Variants in MVB12B observed in about 807,000 individuals in gnomAD.
MVB12B encodes ESCRT-I complex subunit MVB12B.
A neutral mutation model predicts 41.6 loss-of-function variants in MVB12B; 16 were observed. The ratio of observed to expected loss-of-function variants is 0.38; its 90% confidence interval spans 0.26 to 0.58. MVB12B has a LOEUF of 0.58. Among genes scored for constraint, MVB12B ranks in the 20% least tolerant of loss-of-function variants. The probability of loss-of-function intolerance (pLI) is 0.62; values close to 1 mark genes in which losing one functional copy is unlikely to be tolerated. For missense variants in MVB12B, 274 were observed against 380.2 expected, an observed-to-expected ratio of 0.72 and a Z score of 2.32; for synonymous variants, 133 against 139.7, an observed-to-expected ratio of 0.95 and a Z score of 0.34.
chr9:126,457,947 T>A (rs1833016849), intron 7 of MVB12B, among the ~76,000 whole-genome samples: 1 of 152,168 alleles, frequency 6.6e-6, no homozygotes, highest in Admixed American at 6.5e-5. Flanking sequence ...TCAAAGTATG[T>A]CTGGCAAAAG....
intron 2 of MVB12B, among the ~76,000 whole-genome samples, chr9:126,374,808 G>A (rs1307412545): frequency 2.0e-5 from 3 of 152,180 alleles, no homozygotes; most frequent in Non-Finnish European, 4.4e-5. Flanking sequence ...CAGCAATAGC[G>A]GCAGCTTGCC....
At chr9:126,427,674 A>G (rs2119106458) in intron 7 of MVB12B, among the ~76,000 whole-genome samples, 1 of 152,376 alleles carries the variant, frequency 6.6e-6, no homozygotes, top group South Asian at 2.1e-4. Flanking sequence ...TAAAACTGGC[A>G]TATAATAAGA....
chr9:126,397,372 C>T (rs1371857098), intron 6 of MVB12B: 7 of 985,298 alleles, frequency 7.1e-6, no homozygotes, highest in Admixed American at 1.2e-4. Context: ...ACCGAGCCAC[C>T]GGCAGCCTGG....
At chr9:126,358,702 C>A (rs1412607175) in intron 2 of MVB12B, among the ~76,000 whole-genome samples, 4 of 152,206 alleles carry the variant, frequency 2.6e-5, no homozygotes, top group Admixed American at 1.3e-4. Context: ...ATATTTCTTA[C>A]AACTTCCTAT....
chr9:126,390,390 A>G (rs1408895775), intron 4 of MVB12B, among the ~76,000 whole-genome samples: 2 of 152,204 alleles, frequency 1.3e-5, no homozygotes, highest in Non-Finnish European at 2.9e-5. Flanking sequence ...GTGCCAGGAA[A>G]TGTTGGTGTT....
In MVB12B at chr9:126,391,944, C is replaced by T. The variant is rs1214810272; in HGVS notation, c.410-122C>T. 8.6e-7 allele frequency: 1 copy of T among 1,159,412 alleles called. No individual in the cohort carries two copies. Among genetic ancestry groups the T allele is most frequent in the East Asian group, 2.4e-5 (1 of 42,332 alleles). The allele number at this position is 1,159,412 out of a possible 1,614,324, so 71.8% of individuals were successfully genotyped here. A position where few individuals can be genotyped will look rare whatever the true frequency, so the allele number is the denominator to read the frequency against. ...GGCAGAGCGCAGCCCTTCTGTCCAGCAGCTTAGGTGACCTGCCACTTCTGC... is the reference window on the plus strand; with the variant it reads ...GGCAGAGCGCAGCCCTTCTGTCCAGTAGCTTAGGTGACCTGCCACTTCTGC... On this transcript the variant is annotated intron_variant, in intron 4 of 9. Transcript: ENST00000361171. The surrounding 1 kb of genome is among the most constrained non-coding windows in gnomAD (Gnocchi z 4.4).
rs1369270396 is a variant in MVB12B at position 126,505,164 on chromosome 9, C to A, written c.*1901C>A. 1.3e-5 allele frequency: 2 copies of A among 152,450 alleles called. No homozygotes were observed. Among genetic ancestry groups the A allele is most frequent in the East Asian group, 3.9e-4 (2 of 5,186 alleles). 9.4% of individuals were successfully genotyped at this position (152,450 alleles called of 1,614,324 possible). ...TCGTGCCCTGGTTGTGAGATTGCCTCTAACAGGTAATGCCAGGGGCCCTTC... is the reference window on the plus strand; with the variant it reads ...TCGTGCCCTGGTTGTGAGATTGCCTATAACAGGTAATGCCAGGGGCCCTTC... On this transcript the variant is annotated 3_prime_UTR_variant, in exon 10 of 10. Transcript: ENST00000361171.
At position 126,391,090 on chromosome 9, in the gene MVB12B, T is replaced by C. The variant is rs1293560537; in HGVS notation, c.410-976T>C. On this transcript the variant is annotated intron_variant, in intron 4 of 9. Transcript: ENST00000361171. The surrounding 1 kb of genome is among the most constrained non-coding windows in gnomAD (Gnocchi z 4.4). Reference sequence around the variant, plus strand: ...AGAGGATGGCAGTTGGGGAACTGTGTGACCGAGGTCCTGGGCCGACGCCAG... The same window carrying C: ...AGAGGATGGCAGTTGGGGAACTGTGCGACCGAGGTCCTGGGCCGACGCCAG... Among the ~76,000 whole-genome samples, 1 of 152,194 alleles carries C rather than the reference T, an allele frequency of 6.6e-6. No homozygotes were observed. The highest frequency in any genetic ancestry group is 2.4e-5 in the African/African-American group (1 of 41,448).
In MVB12B at chr9:126,473,796, T is replaced by G. The variant is rs1323150993; in HGVS notation, c.758-7573T>G. Among the ~76,000 whole-genome samples the G allele has an allele frequency of 6.6e-6, 1 of 152,160 alleles. No individual in the cohort carries two copies. The highest frequency in any genetic ancestry group is 1.9e-4 in the East Asian group (1 of 5,196). ...GGGGATTACAATTGAACATGAGATT[T>G]GGGTATTTGGGTGGGGACACAGATT... On this transcript the variant is annotated intron_variant, in intron 7 of 9. Transcript: ENST00000361171. The surrounding 1 kb of genome is among the most constrained non-coding windows in gnomAD (Gnocchi z 4.0).
Position 126,376,730 on chromosome 9 carries a change from C to T in MVB12B, c.205-4334C>T. On this transcript the variant is annotated intron_variant, in intron 2 of 9. Transcript: ENST00000361171. This position sits in a 1 kb window ranked among gnomAD's most constrained non-coding sequence, Gnocchi z 4.1. Reference sequence around the variant, plus strand: ...CACTCTGAAGTTGCACCTCCTCCCCCACCTCCTCCTGACCTCCAGCCTCCT... The same window carrying T: ...CACTCTGAAGTTGCACCTCCTCCCCTACCTCCTCCTGACCTCCAGCCTCCT... 1 of 1,244,712 alleles carries T rather than the reference C, an allele frequency of 8.0e-7. No individual in the cohort carries two copies. Among genetic ancestry groups the T allele is most frequent in the South Asian group, 1.4e-5 (1 of 72,648 alleles). The allele number at this position is 1,244,712 out of a possible 1,614,324, so 77.1% of individuals were successfully genotyped here. A position where few individuals can be genotyped will look rare whatever the true frequency, so the allele number is the denominator to read the frequency against.
chr9:126,505,764 G>A lies in MVB12B; in HGVS notation c.*2501G>A, dbSNP rs1834056849. 1 of 152,092 alleles carries A rather than the reference G, an allele frequency of 6.6e-6. No individual in the cohort carries two copies. Among genetic ancestry groups the A allele is most frequent in the Admixed American group, 6.6e-5 (1 of 15,264 alleles). 9.4% of individuals were successfully genotyped at this position (152,092 alleles called of 1,614,324 possible). A position where few individuals can be genotyped will look rare whatever the true frequency, so the allele number is the denominator to read the frequency against. ...AGGAGAACTGAGGCATGAAACTCTG[G>A]CTCAAACCTAGGAATTGAGAGCGTT... On this transcript the variant is annotated 3_prime_UTR_variant, in exon 10 of 10. Transcript: ENST00000361171.
chr9:126,466,348 A>C (rs925737792), intron 7 of MVB12B, among the ~76,000 whole-genome samples: 2 of 152,174 alleles, frequency 1.3e-5, no homozygotes, highest in Non-Finnish European at 2.9e-5. Context: ...GGGAAGTCTA[A>C]CCTGGCCTCA....
intron 3 of MVB12B, among the ~76,000 whole-genome samples, chr9:126,384,793 A>G (rs1433553743): frequency 2.0e-5 from 3 of 151,022 alleles, no homozygotes; most frequent in African/African-American, 7.3e-5. Flanking sequence ...TCGGCCTCCC[A>G]AAGTGCTTGG....
chr9:126,438,668 C>A (rs1017616798), intron 7 of MVB12B, among the ~76,000 whole-genome samples: 7 of 152,178 alleles, frequency 4.6e-5, no homozygotes, highest in Admixed American at 4.6e-4. Flanking sequence ...GGAGTGGATG[C>A]AGTTTCCGTC....
At chr9:126,499,538 A>G (rs1833907132) in intron 9 of MVB12B, among the ~76,000 whole-genome samples, 4 of 152,156 alleles carry the variant, frequency 2.6e-5, no homozygotes, top group Admixed American at 1.3e-4. Flanking sequence ...TCCACCTTCA[A>G]AGGTACTCGC....
intron 2 of MVB12B, among the ~76,000 whole-genome samples, chr9:126,370,248 G>A (rs1420523780): frequency 2.0e-5 from 3 of 152,092 alleles, no homozygotes; most frequent in Non-Finnish European, 1.5e-5. Flanking sequence ...CTGAAGTGGC[G>A]TGCAGGTTCA....
chr9:126,391,985 G>C lies in MVB12B; in HGVS notation c.410-81G>C, dbSNP rs1015596075. 1 of 1,522,398 alleles carries C rather than the reference G, an allele frequency of 6.6e-7. No individual in the cohort carries two copies. Among genetic ancestry groups the C allele is most frequent in the East Asian group, 2.3e-5 (1 of 44,252 alleles). 94.3% of individuals were successfully genotyped at this position (1,522,398 alleles called of 1,614,324 possible). A position where few individuals can be genotyped will look rare whatever the true frequency, so the allele number is the denominator to read the frequency against. On this transcript the variant is annotated intron_variant, in intron 4 of 9. Transcript: ENST00000361171. This position sits in a 1 kb window ranked among gnomAD's most constrained non-coding sequence, Gnocchi z 4.4. ...CCACTTCTGCTGCCAGGAATAGGGC[G>C]TGACAGGGGATGTGGTTTTCAGAAT...
At chr9:126,354,008 A>G (rs1829817737) in intron 2 of MVB12B, among the ~76,000 whole-genome samples, 2 of 152,146 alleles carry the variant, frequency 1.3e-5, no homozygotes, top group Non-Finnish European at 2.9e-5. Context: ...CCATACCATT[A>G]CCCTTTATTG....
At chr9:126,343,288 C>T (rs535115556) in intron 2 of MVB12B, among the ~76,000 whole-genome samples, 15 of 152,310 alleles carry the variant, frequency 9.8e-5, no homozygotes, top group African/African-American at 3.6e-4. Context: ...GTGCTTCTCT[C>T]CCCTTGCAGT....
Sources: allele counts gnomAD v4.1 joint callset (sites outside exome capture counted in the v4.1 genomes callset), GRCh38; gene constraint gnomAD v4.1.1; non-coding constraint Gnocchi (gnomAD v3.1); transcripts MANE v1.5; gene names NCBI Gene and HGNC (gene_info 2026-07-23, HGNC 2026-07-21).